The following IGSF21 variants were observed in gnomAD, a reference collection of about 807,000 sequenced individuals.
IGSF21 encodes the protein immunoglobin superfamily member 21, also known as immunoglobulin superfamily member 21.
Under a neutral mutation model 46.8 loss-of-function variants are expected in IGSF21, and 28 were observed. The ratio of observed to expected loss-of-function variants is 0.60; its 90% CI spans 0.44 to 0.82. IGSF21 has a LOEUF of 0.82. Ranked by LOEUF, IGSF21 falls within the 40% of genes least tolerant of loss-of-function variation. The pLI, the probability that IGSF21 is intolerant of heterozygous loss-of-function variation, is 0.00. For missense variants in IGSF21, 624 were observed against 665.5 expected, an observed-to-expected ratio of 0.94 and a Z score of 0.69; for synonymous variants, 284 against 273.6, an observed-to-expected ratio of 1.04 and a Z score of -0.38.
intron 3 of IGSF21, among the ~76,000 whole-genome samples, chr1:18,296,948 G>T (rs1193437396): frequency 6.6e-6 from 1 of 152,180 alleles, no homozygotes; most frequent in Non-Finnish European, 1.5e-5. Context: ...GTGTATTCCT[G>T]CCCCCGACCT....
At chr1:18,171,801 C>T (rs969457255) in intron 1 of IGSF21, among the ~76,000 whole-genome samples, 3 of 152,268 alleles carry the variant, frequency 2.0e-5, no homozygotes, top group African/African-American at 7.2e-5. Flanking sequence ...ATGGACTTCA[C>T]GGGGGTGGCA....
intron 4 of IGSF21, among the ~76,000 whole-genome samples, chr1:18,359,750 C>T (rs977148235): frequency 1.3e-5 from 2 of 152,180 alleles, no homozygotes; most frequent in African/African-American, 2.4e-5. Flanking sequence ...TAACTAGAGC[C>T]ACCCACAGCA....
chr1:18,287,421 A>AAC (rs1315070971), intron 2 of IGSF21, among the ~76,000 whole-genome samples: 1 of 150,272 alleles, frequency 6.7e-6, no homozygotes, highest in African/African-American at 2.4e-5. Flanking sequence ...AAACAAAACA[A>AAC]AAAAAAAATC....
At chr1:18,275,880 C>A (rs72655168) in intron 2 of IGSF21, among the ~76,000 whole-genome samples, 2 of 152,268 alleles carry the variant, frequency 1.3e-5, no homozygotes, top group Non-Finnish European at 2.9e-5. Context: ...TTCAGGGAGA[C>A]CTCCCACTCC....
chr1:18,198,083 T>C (rs1451528472), intron 1 of IGSF21, among the ~76,000 whole-genome samples: 1 of 152,246 alleles, frequency 6.6e-6, no homozygotes, highest in Non-Finnish European at 1.5e-5. Flanking sequence ...CAGAAAGATA[T>C]TTTAAATAAA....
intron 1 of IGSF21, among the ~76,000 whole-genome samples, chr1:18,206,682 G>A (rs1209730264): frequency 2.0e-5 from 3 of 152,180 alleles, no homozygotes; most frequent in African/African-American, 7.2e-5. Context: ...GCCTGAGAAA[G>A]TGGTAGAAGT....
Position 18,109,850 on chromosome 1 carries a change from A to T in IGSF21, c.70+1652A>T, listed in dbSNP as rs2086125835. 6.6e-6 allele frequency: 1 copy of T among 152,260 alleles called. No individual in the cohort carries two copies. The highest frequency in any genetic ancestry group is 2.1e-4 in the South Asian group (1 of 4,804). 9.4% of individuals were successfully genotyped at this position (152,260 alleles called of 1,614,324 possible). ...ACTGGAGCCCTCACCTGGACATTGC[A>T]GGGGGCGGGGGTTGGAGGCTGGGGA... On this transcript the variant is annotated intron_variant, in intron 1 of 9. Transcript: ENST00000251296. The surrounding 1 kb of genome is among the most constrained non-coding windows in gnomAD (Gnocchi z 4.8).
At chr1:18,376,129 C>A in intron 6 of IGSF21, 181 bp from the exon 7 acceptor site, 1 of 632,694 alleles carries the variant, frequency 1.6e-6, no homozygotes. Context: ...ATTGCATGGG[C>A]TTAGGGAATA....
At chr1:18,359,341 AG>A (rs777010528) in intron 4 of IGSF21, among the ~76,000 whole-genome samples, 1,369 of 37,550 alleles carry the variant, frequency 0.036, 56 homozygotes, top group African/African-American at 0.049. Context: ...AGAAAGAAAA[AG>A]AAAGAAAGAA....
rs553797236 is a variant in IGSF21, at chr1:18,249,926, T to C, written c.183+21916T>C. ...AGGCATTGGCAGGATCTGACTCTGC[T>C]GCCGGCTCTGCCATGAGGCAGGCTG... On this transcript the variant is annotated intron_variant, in intron 2 of 9. Transcript: ENST00000251296. Among the ~76,000 whole-genome samples, 5 of 152,284 alleles carry C rather than the reference T, an allele frequency of 3.3e-5. No individual in the cohort carries two copies. In the East Asian group the frequency reaches 9.7e-4, roughly 30 times the overall value.
intron 3 of IGSF21, among the ~76,000 whole-genome samples, chr1:18,327,026 A>T (rs1430156530): frequency 6.6e-6 from 1 of 152,210 alleles, no homozygotes; most frequent in Admixed American, 6.5e-5. Context: ...ATCTGGGCGA[A>T]GATTAAAAGA....
At chr1:18,302,785 T>TATTTC (rs954573421) in intron 3 of IGSF21, among the ~76,000 whole-genome samples, 2 of 151,966 alleles carry the variant, frequency 1.3e-5, no homozygotes, top group African/African-American at 4.8e-5. Flanking sequence ...GGGTCAGGGG[T>TATTTC]ATTTCTCCTT....
At chr1:18,368,097 G>C (rs2086186028) in intron 6 of IGSF21, among the ~76,000 whole-genome samples, 1 of 151,984 alleles carries the variant, frequency 6.6e-6, no homozygotes, top group Non-Finnish European at 1.5e-5. Flanking sequence ...GGTGAGTGGG[G>C]GAGAATTCAA....
At chr1:18,197,601 G>C (rs761577971) in intron 1 of IGSF21, among the ~76,000 whole-genome samples, 3 of 152,204 alleles carry the variant, frequency 2.0e-5, no homozygotes, top group Non-Finnish European at 4.4e-5. Context: ...AAGTCACTGG[G>C]TGTGAAGGAC....
chr1:18,344,878 G>A (rs530043529), intron 4 of IGSF21, among the ~76,000 whole-genome samples: 39 of 152,266 alleles, frequency 2.6e-4, no homozygotes, highest in South Asian at 8.3e-4. Flanking sequence ...GGCTCCAGGC[G>A]ATTACTGTGG....
intron 1 of IGSF21, among the ~76,000 whole-genome samples, chr1:18,177,157 A>T (rs185561916): frequency 6.6e-6 from 1 of 152,314 alleles, no homozygotes; most frequent in African/African-American, 2.4e-5. Flanking sequence ...TTAGAAGTGA[A>T]CTTTACAGAC....
chr1:18,277,115 TG>T (rs2085109398), intron 2 of IGSF21, among the ~76,000 whole-genome samples: 1 of 152,178 alleles, frequency 6.6e-6, no homozygotes. Flanking sequence ...CTGGCCTCCC[TG>T]GGCTGTTGCT....
intron 1 of IGSF21, among the ~76,000 whole-genome samples, chr1:18,150,691 C>G (rs149964223): frequency 8.5e-5 from 13 of 152,318 alleles, no homozygotes; most frequent in Admixed American, 3.9e-4. Context: ...TCCATCTCAG[C>G]ACCTCCCAGG....
chr1:18,365,733 G>T lies in IGSF21; in HGVS notation c.1015+36G>T, dbSNP rs779676423. The stretch of plus-strand genomic sequence containing the variant: ...GTGGGGGCCCTTCTGTAGAGCCCTT[G>T]CAGACCTGGGTGTGGGGAGAGCCTT... On this transcript the variant is annotated intron_variant, in intron 6 of 9. Transcript: ENST00000251296. This position sits in a 1 kb window ranked among gnomAD's most constrained non-coding sequence, Gnocchi z 4.8. 16 of 1,537,138 alleles carry T rather than the reference G, an allele frequency of 1.0e-5. No homozygotes were observed. In the Admixed American group the frequency reaches 2.6e-4, roughly 25 times the overall value.
Sources: allele counts gnomAD v4.1 joint callset (sites outside exome capture counted in the v4.1 genomes callset), GRCh38; gene constraint gnomAD v4.1.1; non-coding constraint Gnocchi (gnomAD v3.1); transcripts MANE v1.5; gene names NCBI Gene and HGNC (gene_info 2026-07-23, HGNC 2026-07-21).